The following MARK1 variants were observed in gnomAD, a reference collection of about 807,000 sequenced individuals.
MARK1 encodes serine/threonine-protein kinase MARK1.
A neutral mutation model predicts 96.3 loss-of-function variants in MARK1; 40 were observed. That is an observed-to-expected ratio of 0.42 (90% CI 0.32 to 0.54). The LOEUF is 0.54. Ranked by LOEUF, MARK1 falls within the 20% of genes least tolerant of loss-of-function variation. The pLI is 0.16. For synonymous variants in MARK1, 317 were observed against 341.2 expected, an observed-to-expected ratio of 0.93 and a Z score of 0.78; for missense variants, 719 against 984.6, an observed-to-expected ratio of 0.73 and a Z score of 3.61.
intron 13 of MARK1, among the ~76,000 whole-genome samples, chr1:220,650,059 G>A (rs577629016): frequency 3.9e-5 from 6 of 152,238 alleles, no homozygotes; most frequent in East Asian, 1.9e-4. Flanking sequence ...CCTGAGACTC[G>A]AGGAAATATC....
chr1:220,591,208 TA>T (rs1016183290), intron 3 of MARK1, among the ~76,000 whole-genome samples: 4 of 152,150 alleles, frequency 2.6e-5, no homozygotes, highest in Non-Finnish European at 5.9e-5. Flanking sequence ...AATAATTAAA[TA>T]AAAAAACACC....
chr1:220,646,796 A>G (rs984432783), intron 13 of MARK1, among the ~76,000 whole-genome samples: 9 of 152,214 alleles, frequency 5.9e-5, no homozygotes, highest in Non-Finnish European at 8.8e-5. Context: ...AAAACAAGCA[A>G]TGGGGAAAGG....
At position 220,637,062 on chromosome 1, in the gene MARK1, G is replaced by A. The variant is rs548148791; in HGVS notation, c.1470+1036G>A. Among the ~76,000 whole-genome samples the A allele has an allele frequency of 2.2e-3, 329 of 152,178 alleles. 2 individuals are homozygous for A. Among genetic ancestry groups the A allele is most frequent in the African/African-American group, 7.8e-3 (323 of 41,522 alleles). ...GCCATGTTGTCATTTAAATATGAAGGTACAAAAACCATGTTCTTTGGCATA... is the reference window on the plus strand; with the variant it reads ...GCCATGTTGTCATTTAAATATGAAGATACAAAAACCATGTTCTTTGGCATA... On this transcript the variant is annotated intron_variant, in intron 13 of 17. Coordinates refer to ENST00000366917, the MANE Select transcript of MARK1 (RefSeq NM_018650.5).
chr1:220,596,682 A>C (rs1008850601), intron 3 of MARK1, among the ~76,000 whole-genome samples: 2 of 152,086 alleles, frequency 1.3e-5, no homozygotes, highest in African/African-American at 4.8e-5. Context: ...TGCACATTTT[A>C]TTTCTTTCCT....
intron 9 of MARK1, among the ~76,000 whole-genome samples, chr1:220,621,972 A>G (rs898470410): frequency 5.9e-5 from 9 of 152,136 alleles, no homozygotes; most frequent in Non-Finnish European, 1.0e-4. Flanking sequence ...ACATTCTACT[A>G]GGCCTATAGT....
intron 1 of MARK1, among the ~76,000 whole-genome samples, chr1:220,563,509 A>G (rs965790136): frequency 9.9e-5 from 15 of 152,202 alleles, no homozygotes; most frequent in Admixed American, 2.6e-4. Context: ...AGATGAAAAC[A>G]AGTAAATGAT....
At chr1:220,569,734 G>A (rs912219897) in intron 1 of MARK1, among the ~76,000 whole-genome samples, 2 of 151,934 alleles carry the variant, frequency 1.3e-5, no homozygotes, top group Admixed American at 6.6e-5. Context: ...CTATTCCTTA[G>A]ACAAAGGTTT....
chr1:220,587,766 A>G (rs914507229), intron 3 of MARK1, among the ~76,000 whole-genome samples: 1 of 151,640 alleles, frequency 6.6e-6, no homozygotes, highest in Non-Finnish European at 1.5e-5. Flanking sequence ...ATATCTATTT[A>G]TTTTCCTGTT....
At chr1:220,551,884 G>T (rs1027904805) in intron 1 of MARK1, among the ~76,000 whole-genome samples, 1 of 152,138 alleles carries the variant, frequency 6.6e-6, no homozygotes, top group Non-Finnish European at 1.5e-5. Context: ...CTTCAGCTGA[G>T]TTTTGTTCTT....
At chr1:220,565,600 TA>T (rs2102791591) in intron 1 of MARK1, among the ~76,000 whole-genome samples, 1 of 152,096 alleles carries the variant, frequency 6.6e-6, no homozygotes, top group Non-Finnish European at 1.5e-5. Flanking sequence ...CAACAAAATA[TA>T]ACTGGGAGTG....
At position 220,585,984 on chromosome 1, in the gene MARK1, T is replaced by TACACACACACACACAC. The variant is rs1553322886; in HGVS notation, c.309+4879_309+4894dup. ...CAACTGCATCCACTTTACATACGTATACACACACACACACACACACACACA... is the reference window on the plus strand; with the variant it reads ...CAACTGCATCCACTTTACATACGTATACACACACACACACACACACACACACACACACACACACACA... On this transcript the variant is annotated intron_variant, in intron 3 of 17. Transcript: ENST00000366917. Among the ~76,000 whole-genome samples the TACACACACACACACAC allele has an allele frequency of 5.9e-4, 31 of 52,892 alleles. 1 individual carries two copies. In the East Asian group the frequency reaches 0.023, roughly 40 times the overall value. The allele number at this position is 52,892 out of a possible 152,430, so 34.7% of individuals were successfully genotyped here.
intron 16 of MARK1, among the ~76,000 whole-genome samples, chr1:220,653,829 CAT>C (rs1165946583): frequency 6.6e-6 from 1 of 151,678 alleles, no homozygotes; most frequent in African/African-American, 2.4e-5. Flanking sequence ...ATCATCAAAA[CAT>C]AGTAAACACA....
intron 16 of MARK1, 102 bp downstream of exon 16, chr1:220,653,454 T>A: frequency 8.1e-7 from 1 of 1,232,884 alleles, no homozygotes; most frequent in Non-Finnish European, 1.1e-6. Flanking sequence ...AATGGTTTCA[T>A]AACATTTCAT....
chr1:220,637,571 T>C lies in MARK1; in HGVS notation c.1470+1545T>C, dbSNP rs1668033339. 2.6e-5 allele frequency among the ~76,000 whole-genome samples: 4 copies of C among 152,010 alleles called. No individual in the cohort carries two copies. The South Asian group carries it at 8.3e-4, about 32-fold the overall frequency. On this transcript the variant is annotated intron_variant, in intron 13 of 17. Coordinates refer to ENST00000366917, the MANE Select transcript of MARK1 (RefSeq NM_018650.5). ...GTGCACACCTGTAATCCCAGCTACT[T>C]GGGAGGCTGAGGCAGGAGAATCTCT...
chr1:220,640,808 A>G (rs1258771428), intron 13 of MARK1, among the ~76,000 whole-genome samples: 1 of 152,126 alleles, frequency 6.6e-6, no homozygotes, highest in Non-Finnish European at 1.5e-5. Flanking sequence ...CTCTCAGATA[A>G]CTAACGCACT....
chr1:220,565,151 A>T (rs1002157633), intron 1 of MARK1, among the ~76,000 whole-genome samples: 1 of 152,226 alleles, frequency 6.6e-6, no homozygotes, highest in African/African-American at 2.4e-5. Context: ...AGATGTGAAA[A>T]ATGAGCAGAG....
chr1:220,606,708 A>G (rs905038112), intron 6 of MARK1, among the ~76,000 whole-genome samples: 9 of 152,162 alleles, frequency 5.9e-5, no homozygotes, highest in Non-Finnish European at 8.8e-5. Flanking sequence ...GTAAGGTGTA[A>G]GGAAGGGATC....
chr1:220,620,196 C>T (rs1222165502), intron 9 of MARK1, among the ~76,000 whole-genome samples: 1 of 152,072 alleles, frequency 6.6e-6, no homozygotes, highest in Non-Finnish European at 1.5e-5. Flanking sequence ...GTTTTGTGGG[C>T]TTTTCCCTCC....
intron 7 of MARK1, 34 bp downstream of exon 7, chr1:220,616,029 A>AAT: frequency 1.7e-6 from 2 of 1,150,164 alleles, no homozygotes; most frequent in Non-Finnish European, 2.5e-6. Context: ...TTAAAAAAAA[A>AAT]ATCGTTATTA....
Sources: allele counts gnomAD v4.1 joint callset (sites outside exome capture counted in the v4.1 genomes callset), GRCh38; gene constraint gnomAD v4.1.1; transcripts MANE v1.5; gene names NCBI Gene and HGNC (gene_info 2026-07-23, HGNC 2026-07-21).